NT5DC3: variants seen among roughly 807,000 people sequenced by gnomAD.
NT5DC3 encodes 5'-nucleotidase domain containing 3.
In NT5DC3, 42 loss-of-function variants were observed where a neutral mutation model predicts 67.8. That is an observed-to-expected ratio of 0.62 (90% CI 0.48 to 0.80). The LOEUF (loss-of-function observed/expected upper bound fraction) is 0.80. Among genes scored for constraint, NT5DC3 ranks in the 30% least tolerant of loss-of-function variants. The probability of loss-of-function intolerance (pLI) is 0.00; values close to 1 mark genes in which losing one functional copy is unlikely to be tolerated. For missense variants in NT5DC3, 570 were observed against 696.4 expected, an observed-to-expected ratio of 0.82 and a Z score of 2.04; for synonymous variants, 237 against 255.6, an observed-to-expected ratio of 0.93 and a Z score of 0.69.
chr12:103,833,656 C>T (rs1196399313), intron 1 of NT5DC3, among the ~76,000 whole-genome samples: 1 of 151,826 alleles, frequency 6.6e-6, no homozygotes, highest in Non-Finnish European at 1.5e-5. Context: ...TTTAATACAG[C>T]CTATAACCCC....
At chr12:103,753,316 C>A in the NT5DC3 span, 1 of 1,614,244 alleles carries the variant, frequency 6.2e-7, no homozygotes, top group Non-Finnish European at 8.5e-7. Context: ...GAAGCTGCGA[C>A]CATGGCAACC....
intron 1 of NT5DC3, among the ~76,000 whole-genome samples, chr12:103,818,395 T>C: frequency 6.6e-6 from 1 of 151,714 alleles, no homozygotes; most frequent in South Asian, 2.1e-4. Flanking sequence ...TTTTTTTTTT[T>C]AATGAAGTCT....
At chr12:103,829,139 T>C (rs905929212) in intron 1 of NT5DC3, among the ~76,000 whole-genome samples, 2 of 152,252 alleles carry the variant, frequency 1.3e-5, no homozygotes, top group African/African-American at 4.8e-5. Flanking sequence ...AAAATTATTC[T>C]AGTGAGAGTC....
chr12:103,777,873 G>A lies in NT5DC3; in HGVS notation c.1603C>T (p.Pro535Ser), dbSNP rs1885394346. ...TGCAGGAGAGGGGTTCCGAAGGTGG[G>A]GGGCCTTTCTGACCAGGCGGGCAGT... ...HELPAWSERP[P>S]TFGTPLLQEA... is the part of the protein sequence containing the mutation. Residue 535 changes from proline (P) to serine (S), a missense_variant, in exon 14 of 14, where the codon CCC becomes TCC. Transcript: ENST00000392876. 6.2e-7 allele frequency: 1 copy of A among 1,614,166 alleles called. No individual in the cohort carries two copies.
At chr12:103,839,671 C>A (rs115027717) in intron 1 of NT5DC3, among the ~76,000 whole-genome samples, 179 of 152,260 alleles carry the variant, frequency 1.2e-3, no homozygotes, top group African/African-American at 4.3e-3. Context: ...TTAAGACCTG[C>A]AAAATTCCCA....
intron 12 of NT5DC3, among the ~76,000 whole-genome samples, chr12:103,784,413 G>A (rs576240443): frequency 7.2e-5 from 11 of 152,348 alleles, no homozygotes; most frequent in African/African-American, 2.4e-4. Flanking sequence ...AATCTGGCCT[G>A]CCACTCATGG....
chr12:103,826,977 C>T (rs1165163707), intron 1 of NT5DC3, among the ~76,000 whole-genome samples: 1 of 152,212 alleles, frequency 6.6e-6, no homozygotes, highest in Admixed American at 6.5e-5. Flanking sequence ...GGCGCGGTGG[C>T]TCATGCCTGT....
At chr12:103,816,020 AACCTCAC>A (rs1181528917) in intron 1 of NT5DC3, among the ~76,000 whole-genome samples, 1 of 152,214 alleles carries the variant, frequency 6.6e-6, no homozygotes, top group Non-Finnish European at 1.5e-5. Flanking sequence ...TTACATAGCT[AACCTCAC>A]ACTATATTTA....
chr12:103,840,534 A>T (rs1042568729), intron 1 of NT5DC3, among the ~76,000 whole-genome samples: 2 of 135,550 alleles, frequency 1.5e-5, no homozygotes, highest in African/African-American at 5.5e-5. Flanking sequence ...GCTCTTGGGC[A>T]TCTCTGCGCC....
At chr12:103,746,549 A>T in the NT5DC3 span, 4 of 1,587,264 alleles carry the variant, frequency 2.5e-6, no homozygotes, top group Non-Finnish European at 2.6e-6. Flanking sequence ...ATGGGTTTTA[A>T]CTCTTCACAC....
At chr12:103,823,356 T>C (rs1435273644) in intron 1 of NT5DC3, among the ~76,000 whole-genome samples, 2 of 152,304 alleles carry the variant, frequency 1.3e-5, no homozygotes, top group African/African-American at 2.4e-5. Context: ...GCATTTACTA[T>C]ATACCAGGCA....
chr12:103,767,392 G>A (rs567530805), downstream of NT5DC3, among the ~76,000 whole-genome samples: 2 of 152,292 alleles, frequency 1.3e-5, no homozygotes, highest in African/African-American at 2.4e-5. Context: ...ACAGAAAGTA[G>A]GTTGATTGCC....
intron 1 of NT5DC3, among the ~76,000 whole-genome samples, chr12:103,827,800 A>T (rs987305552): frequency 6.6e-6 from 1 of 152,234 alleles, no homozygotes; most frequent in African/African-American, 2.4e-5. Flanking sequence ...TTTGACTTTT[A>T]AAAAATAATA....
At chr12:103,820,718 G>C (rs1887457134) in intron 1 of NT5DC3, 1 of 152,158 alleles carries the variant, frequency 6.6e-6, no homozygotes, top group Non-Finnish European at 1.5e-5. Flanking sequence ...TGATGTGCCT[G>C]TCACTCAGGC....
At chr12:103,803,472 GT>G (rs1053390154) in intron 4 of NT5DC3, among the ~76,000 whole-genome samples, 1 of 152,042 alleles carries the variant, frequency 6.6e-6, no homozygotes, top group Non-Finnish European at 1.5e-5. Context: ...TACATGAAAA[GT>G]TTTTTGTTTT....
the NT5DC3 span, chr12:103,758,204 G>C: frequency 7.8e-5 from 126 of 1,613,992 alleles, 2 homozygotes; most frequent in South Asian, 1.4e-3. Flanking sequence ...TCAGCTCGAG[G>C]CCGTGCATTT....
chr12:103,794,710 A>T lies in NT5DC3; in HGVS notation c.754-713T>A, dbSNP rs561865304. On this transcript the variant is annotated intron_variant, in intron 6 of 13. Coordinates refer to ENST00000392876, the MANE Select transcript of NT5DC3 (RefSeq NM_001031701.3). ...CCTAGACCCCAACGGCAAATTCTATAACACAGAATGAGAGGCAGAGACAAA... is the reference window on the plus strand; with the variant it reads ...CCTAGACCCCAACGGCAAATTCTATTACACAGAATGAGAGGCAGAGACAAA... Among the ~76,000 whole-genome samples, 3 of 152,322 alleles carry T rather than the reference A, an allele frequency of 2.0e-5. No individual in the cohort carries two copies. In the South Asian group the frequency reaches 6.2e-4, roughly 32 times the overall value.
At chr12:103,762,705 A>G in the NT5DC3 span, among the ~76,000 whole-genome samples, 1 of 152,214 alleles carries the variant, frequency 6.6e-6, no homozygotes, top group East Asian at 1.9e-4. Context: ...ACTAGGACCT[A>G]GGAGTCTTGT....
At chr12:103,779,260 T>A (rs573632620) in intron 13 of NT5DC3, among the ~76,000 whole-genome samples, 1 of 152,294 alleles carries the variant, frequency 6.6e-6, no homozygotes, top group South Asian at 2.1e-4. Flanking sequence ...TACGGGCATG[T>A]ATATCTATAT....
Sources: gnomAD v4.1 joint callset for allele counts (sites outside exome capture counted in the v4.1 genomes callset) on GRCh38, gnomAD v4.1.1 for gene constraint, MANE v1.5 for transcripts, NCBI Gene and HGNC (gene_info 2026-07-23, HGNC 2026-07-21) for gene names.